The following SORBS2 variants were observed in gnomAD, a reference collection of about 807,000 sequenced individuals.
SORBS2 encodes sorbin and SH3 domain-containing protein 2.
A neutral mutation model predicts 97.7 loss-of-function variants in SORBS2; 46 were observed. The ratio of observed to expected loss-of-function variants is 0.47; its 90% CI spans 0.37 to 0.60. The LOEUF (loss-of-function observed/expected upper bound fraction) is 0.60, where lower values mean the gene tolerates loss of function less well. SORBS2 is among the 20% of genes least tolerant of loss of function. The pLI, the probability that SORBS2 is intolerant of heterozygous loss-of-function variation, is 0.00. For missense variants in SORBS2, 1,316 were observed against 1,282.3 expected, an observed-to-expected ratio of 1.03 and a Z score of -0.40; for synonymous variants, 476 against 473.4, an observed-to-expected ratio of 1.01 and a Z score of -0.07.
chr4:185,933,607 T>C (rs191680423), intron 1 of SORBS2, among the ~76,000 whole-genome samples: 2 of 152,214 alleles, frequency 1.3e-5, no homozygotes, highest in East Asian at 3.9e-4. Context: ...TCTGCCTTCA[T>C]CTTTGCACGG....
chr4:185,823,414 A>G (rs1241605218), intron 1 of SORBS2, among the ~76,000 whole-genome samples: 1 of 152,230 alleles, frequency 6.6e-6, no homozygotes, highest in African/African-American at 2.4e-5. Context: ...TTGGATATAT[A>G]GTCATAGGAA....
At chr4:185,734,636 ACCT>A (rs563041203) in intron 2 of SORBS2, among the ~76,000 whole-genome samples, 2 of 152,042 alleles carry the variant, frequency 1.3e-5, no homozygotes, top group Non-Finnish European at 2.9e-5. Flanking sequence ...TGCCGTTCCC[ACCT>A]CCTCCTTGCT....
Position 185,721,084 on chromosome 4 carries a change from C to CTTTTTTTTTTTTTT in SORBS2, c.-197-42276_-197-42263dup, listed in dbSNP as rs1160319469. On this transcript the variant is annotated intron_variant, in intron 2 of 20. Transcript: ENST00000284776. ...CCTAACTCCTGCTTTCCCACCTATT[C>CTTTTTTTTTTTTTT]TTTTTTTTTTTTTTTTTTTTTTGAG... is the stretch of plus-strand genomic sequence containing the variant. Among the ~76,000 whole-genome samples the CTTTTTTTTTTTTTT allele has an allele frequency of 7.5e-4, 69 of 92,170 alleles. 3 individuals carry two copies. The highest frequency in any genetic ancestry group is 8.9e-4 in the Non-Finnish European group (44 of 49,500). 60.5% of individuals were successfully genotyped at this position (92,170 alleles called of 152,430 possible). A position where few individuals can be genotyped will look rare whatever the true frequency, so the allele number is the denominator to read the frequency against.
chr4:185,710,439 G>A (rs1426060576), intron 2 of SORBS2, among the ~76,000 whole-genome samples: 1 of 152,202 alleles, frequency 6.6e-6, no homozygotes, highest in Non-Finnish European at 1.5e-5. Flanking sequence ...TTTAAAACGA[G>A]GGAAAAGGGA....
At chr4:185,952,923 C>T (rs1332833943) in intron 1 of SORBS2, among the ~76,000 whole-genome samples, 3 of 152,204 alleles carry the variant, frequency 2.0e-5, no homozygotes, top group Non-Finnish European at 4.4e-5. Context: ...GTGTCACATT[C>T]CCATTAAGGT....
Position 185,690,578 on chromosome 4 carries a change from C to A in SORBS2, c.-197-11756G>T. On this transcript the variant is annotated intron_variant, in intron 2 of 20. It adds an upstream start codon to the 5' untranslated region. Transcript: ENST00000284776. ...ACAGCATACCTGTGTTCATTTTCAC[C>A]TTGGAGAGTTTGTTATTAAAGTCTT... 6.6e-7 allele frequency: 1 copy of A among 1,517,392 alleles called. No individual in the cohort carries two copies. Among genetic ancestry groups the A allele is most frequent in the South Asian group, 1.3e-5 (1 of 79,740 alleles). The allele number at this position is 1,517,392 out of a possible 1,614,324, so 94.0% of individuals were successfully genotyped here.
chr4:185,713,768 T>G (rs2098443754), intron 2 of SORBS2, among the ~76,000 whole-genome samples: 1 of 152,212 alleles, frequency 6.6e-6, no homozygotes, highest in African/African-American at 2.4e-5. Context: ...TTACTATAAT[T>G]TAATCATTAC....
chr4:185,802,275 G>T (rs976378903), intron 1 of SORBS2, among the ~76,000 whole-genome samples: 2 of 152,132 alleles, frequency 1.3e-5, no homozygotes, highest in African/African-American at 2.4e-5. Context: ...AGTAACTAGC[G>T]TTCCTGTCTT....
At chr4:185,592,989 G>A (rs188204341) in intron 13 of SORBS2, 1 of 152,288 alleles carries the variant, frequency 6.6e-6, no homozygotes, top group African/African-American at 2.4e-5. Flanking sequence ...TCTGTGAGGA[G>A]CAAGGAAGGA....
intron 2 of SORBS2, among the ~76,000 whole-genome samples, chr4:185,714,645 C>T (rs1419117419): frequency 2.7e-5 from 4 of 148,684 alleles, no homozygotes; most frequent in Non-Finnish European, 5.9e-5. Context: ...GCTGGGGAGG[C>T]CTCACCGTCA....
chr4:185,675,300 A>G (rs1445893355), intron 4 of SORBS2: 1 of 152,480 alleles, frequency 6.6e-6, no homozygotes, highest in African/African-American at 2.4e-5. Flanking sequence ...TGGCGTGCCC[A>G]TCCTGGGACA....
At chr4:185,805,321 A>C (rs2099148639) in intron 1 of SORBS2, among the ~76,000 whole-genome samples, 1 of 152,110 alleles carries the variant, frequency 6.6e-6, no homozygotes, top group Admixed American at 6.6e-5. Context: ...AATCAGAAAA[A>C]TGTCTGAATT....
At chr4:185,886,554 C>CAAAAAAAAAAAAAAAAAAAAAAAA (rs1198439527) in intron 1 of SORBS2, among the ~76,000 whole-genome samples, 2 of 72,942 alleles carry the variant, frequency 2.7e-5, no homozygotes, top group Admixed American at 1.5e-4. Context: ...GACTCTGTCT[C>CAAAAAAAAAAAAAAAAAAAAAAAA]AAAAAAAAAA....
intron 2 of SORBS2, among the ~76,000 whole-genome samples, chr4:185,650,109 A>T (rs2097287061): frequency 6.6e-6 from 1 of 152,228 alleles, no homozygotes; most frequent in South Asian, 2.1e-4. Context: ...TAGTCAAACA[A>T]AATATTGCAC....
intron 1 of SORBS2, among the ~76,000 whole-genome samples, chr4:185,952,785 AGATTT>A (rs557522973): frequency 3.5e-4 from 53 of 152,340 alleles, no homozygotes; most frequent in South Asian, 2.3e-3. Context: ...TCTGTCCCTT[AGATTT>A]GATTTATTTT....
chr4:185,589,000 A>C (rs1429550721), intron 14 of SORBS2, among the ~76,000 whole-genome samples: 1 of 151,868 alleles, frequency 6.6e-6, no homozygotes. Context: ...CCACCGATGG[A>C]TGTCTAGAGT....
chr4:185,809,359 G>T (rs547239154), intron 1 of SORBS2, among the ~76,000 whole-genome samples: 1 of 149,128 alleles, frequency 6.7e-6, no homozygotes, highest in Non-Finnish European at 1.5e-5. Flanking sequence ...GGGACAGTGA[G>T]GGGGGATGTC....
chr4:185,867,212 A>G (rs1207801582), intron 1 of SORBS2, among the ~76,000 whole-genome samples: 1 of 152,070 alleles, frequency 6.6e-6, no homozygotes, highest in East Asian at 1.9e-4. Context: ...GGGTTTCACC[A>G]TGTTGATCAG....
intron 2 of SORBS2, among the ~76,000 whole-genome samples, chr4:185,763,010 GAAATCCCATCTCTACTA>G (rs1348800369): frequency 6.6e-6 from 1 of 152,152 alleles, no homozygotes; most frequent in Non-Finnish European, 1.5e-5. Context: ...CCAACATGGT[GAAATCCCATCTCTACTA>G]AAAATACAAA....
Sources: allele counts gnomAD v4.1 joint callset (sites outside exome capture counted in the v4.1 genomes callset), GRCh38; gene constraint gnomAD v4.1.1; transcripts MANE v1.5; gene names NCBI Gene and HGNC (gene_info 2026-07-23, HGNC 2026-07-21).